SMOC1: variants seen among roughly 807,000 people sequenced by gnomAD.
The protein encoded by SMOC1 is SPARC-related modular calcium-binding protein 1.
Under a neutral mutation model 56.3 loss-of-function variants are expected in SMOC1, and 22 were observed. That is an observed-to-expected ratio of 0.39 (90% CI 0.28 to 0.56). The LOEUF is 0.56. Ranked by LOEUF, SMOC1 falls within the 20% of genes least tolerant of loss-of-function variation. The pLI, the probability that SMOC1 is intolerant of heterozygous loss-of-function variation, is 0.61. For missense variants in SMOC1, 509 were observed against 565.4 expected (o/e 0.90, Z 1.01); for synonymous variants, 193 against 215.0 (o/e 0.90, Z 0.89).
chr14:70,018,452 T>G (rs1311585800), intron 10 of SMOC1, among the ~76,000 whole-genome samples: 1 of 152,198 alleles, frequency 6.6e-6, no homozygotes, highest in African/African-American at 2.4e-5. Context: ...GTGAAAACTC[T>G]ATGGCAGGTG....
intron 11 of SMOC1, among the ~76,000 whole-genome samples, chr14:70,027,615 A>G (rs1885976851): frequency 6.6e-6 from 1 of 152,176 alleles, no homozygotes; most frequent in Non-Finnish European, 1.5e-5. Flanking sequence ...CCCTGAAGTC[A>G]GATGGGCCTG....
At chr14:69,908,182 A>C (rs1357476714) in intron 1 of SMOC1, among the ~76,000 whole-genome samples, 1 of 151,932 alleles carries the variant, frequency 6.6e-6, no homozygotes, top group Non-Finnish European at 1.5e-5. Flanking sequence ...GTAGAGACCC[A>C]TTTTGTAAAG....
chr14:70,002,670 C>T (rs1303460223), intron 7 of SMOC1, among the ~76,000 whole-genome samples: 8 of 152,214 alleles, frequency 5.3e-5, no homozygotes, highest in African/African-American at 1.2e-4. Context: ...AGGGCAGAGT[C>T]GGCCCAGCAA....
intron 1 of SMOC1, among the ~76,000 whole-genome samples, chr14:69,930,760 G>A (rs7155412): frequency 0.11 from 17,014 of 152,214 alleles, 1,056 homozygotes; most frequent in Non-Finnish European, 0.14. Flanking sequence ...AAGGACACTC[G>A]CACCCCAGTG....
At chr14:69,909,582 G>C (rs902721472) in intron 1 of SMOC1, among the ~76,000 whole-genome samples, 4 of 152,148 alleles carry the variant, frequency 2.6e-5, no homozygotes, top group Non-Finnish European at 5.9e-5. Context: ...TTATGTAAAA[G>C]CTTTTCAAAA....
intron 5 of SMOC1, among the ~76,000 whole-genome samples, chr14:69,982,640 C>T (rs150499368): frequency 6.6e-6 from 1 of 152,146 alleles, no homozygotes; most frequent in Non-Finnish European, 1.5e-5. Context: ...GGCTGGCTGT[C>T]GAGGGACATT....
At position 69,909,449 on chromosome 14, in the gene SMOC1, A is replaced by G. The variant is rs187410284; in HGVS notation, c.99+29672A>G. On this transcript the variant is annotated intron_variant, in intron 1 of 11. Coordinates refer to ENST00000361956, the MANE Select transcript of SMOC1 (RefSeq NM_001034852.3). ...CTTCACTTTGAGTTTACAGGCAGGT[A>G]CATCCAATGCTGACCTCCGAAGTTC... Among the ~76,000 whole-genome samples the G allele has an allele frequency of 2.4e-3, 360 of 152,160 alleles. 5 individuals are homozygous for G. The highest frequency in any genetic ancestry group is 0.02 in the Middle Eastern group (6 of 294).
chr14:69,999,769 C>T (rs1322911199), intron 7 of SMOC1, among the ~76,000 whole-genome samples: 1 of 152,054 alleles, frequency 6.6e-6, no homozygotes, highest in African/African-American at 2.4e-5. Context: ...ACTTGGAGGC[C>T]CCATGAAGCC....
At chr14:69,915,310 T>C (rs1156435651) in intron 1 of SMOC1, among the ~76,000 whole-genome samples, 1 of 152,214 alleles carries the variant, frequency 6.6e-6, no homozygotes, top group Non-Finnish European at 1.5e-5. Flanking sequence ...AATCTACCCA[T>C]GTCTGTGCCC....
chr14:69,967,274 C>T (rs889027711), intron 3 of SMOC1, among the ~76,000 whole-genome samples: 2 of 152,216 alleles, frequency 1.3e-5, no homozygotes, highest in Non-Finnish European at 2.9e-5. Flanking sequence ...TCTTCATTCC[C>T]CAACAGGCAA....
At position 70,010,756 on chromosome 14, in the gene SMOC1, A is replaced by G; in HGVS notation, c.667A>G (p.Lys223Glu). The change falls in exon 8 of 12, where the codon AAA becomes GAA. Residue 223 changes from lysine (K) to glutamate (E), a missense_variant and splice_region_variant. Physicochemically the swap from Lys to Glu is moderately conservative, Grantham distance 56 (BLOSUM62 1). Around this residue, in one of 3 missense-constraint regions of SMOC1, gnomAD observed 315 missense variants for 333.1 expected, o/e 0.95. Transcript: ENST00000361956. ...ACAGGCTGTGTCTTCTCTTGCAGAG[A>G]AAGTCTATTCGTGTGACCAGGAGAG... ...LNNTNIRNSE[K>E]VYSCDQERQS... The G allele has an allele frequency of 6.2e-7, 1 of 1,614,154 alleles. No individual in the cohort carries two copies. Among genetic ancestry groups the G allele is most frequent in the Non-Finnish European group, 8.5e-7 (1 of 1,180,008 alleles).
chr14:69,993,550 C>T (rs890964974), intron 6 of SMOC1, among the ~76,000 whole-genome samples: 6 of 152,194 alleles, frequency 3.9e-5, no homozygotes, highest in South Asian at 2.1e-4. Context: ...AATCATGCCA[C>T]GGGTTAACAC....
chr14:69,935,650 C>A (rs1323825295), intron 1 of SMOC1, among the ~76,000 whole-genome samples: 1 of 152,174 alleles, frequency 6.6e-6, no homozygotes, highest in East Asian at 1.9e-4. Context: ...GAACCTCCTC[C>A]AAGGAGCTTG....
intron 1 of SMOC1, among the ~76,000 whole-genome samples, chr14:69,901,390 T>G (rs1045816702): frequency 1.3e-5 from 2 of 152,226 alleles, no homozygotes; most frequent in East Asian, 3.8e-4. Context: ...GTTTAAACTG[T>G]AAATATTCTT....
At position 69,883,939 on chromosome 14, in the gene SMOC1, G is replaced by A. The variant is rs549088448; in HGVS notation, c.99+4162G>A. On this transcript the variant is annotated intron_variant, in intron 1 of 11. Transcript: ENST00000361956. ...TTTTGAGACGGAGTCTCGCTCTGTC[G>A]CCCAGGCCGGACTGCGGACTGCAGT... Among the ~76,000 whole-genome samples the A allele has an allele frequency of 1.7e-4, 19 of 112,076 alleles. No individual in the cohort carries two copies. The Admixed American group carries it at 1.9e-3, about 11-fold the overall frequency. The allele number at this position is 112,076 out of a possible 152,430, so 73.5% of individuals were successfully genotyped here.
chr14:69,920,334 C>G (rs1884804222), intron 1 of SMOC1, among the ~76,000 whole-genome samples: 1 of 152,194 alleles, frequency 6.6e-6, no homozygotes. Context: ...CCGTTTACCT[C>G]TGTAGGTTTT....
intron 1 of SMOC1, among the ~76,000 whole-genome samples, chr14:69,921,714 G>T (rs1296969201): frequency 6.6e-6 from 1 of 152,186 alleles, no homozygotes; most frequent in East Asian, 1.9e-4. Context: ...CCTGGGCTGG[G>T]CCCTAACTTG....
At chr14:69,926,633 C>T (rs1173357834) in intron 1 of SMOC1, among the ~76,000 whole-genome samples, 1 of 152,206 alleles carries the variant, frequency 6.6e-6, no homozygotes, top group Non-Finnish European at 1.5e-5. Context: ...TGGCCAGCTC[C>T]TCTGACCAAT....
chr14:69,888,861 A>T (rs756247479), intron 1 of SMOC1, among the ~76,000 whole-genome samples: 11 of 152,324 alleles, frequency 7.2e-5, no homozygotes, highest in Admixed American at 3.9e-4. Context: ...CATTGTAGAT[A>T]ACAAATAAAA....
Sources: gnomAD v4.1 joint callset for allele counts (sites outside exome capture counted in the v4.1 genomes callset) on GRCh38, gnomAD v4.1.1 for gene constraint, gnomAD v4.1.1 regional missense constraint, MANE v1.5 for transcripts, NCBI Gene and HGNC (gene_info 2026-07-23, HGNC 2026-07-21) for gene names.